The following RHOD variants were observed in gnomAD, a reference collection of about 807,000 sequenced individuals.
The protein encoded by RHOD is ras homolog family member D, also known as rho-related GTP-binding protein RhoD.
A neutral mutation model predicts 16.7 loss-of-function variants in RHOD; 11 were observed. That is an observed-to-expected ratio of 0.66 (90% CI 0.41 to 1.09). The LOEUF (loss-of-function observed/expected upper bound fraction) is 1.09. Among genes scored for constraint, RHOD ranks in the 50% least tolerant of loss-of-function variants. The pLI, the probability that RHOD is intolerant of heterozygous loss-of-function variation, is 0.00. For synonymous variants in RHOD, 124 were observed against 126.3 expected (o/e 0.98, Z 0.12); for missense variants, 271 against 291.7 (o/e 0.93, Z 0.52).
At chr11:67,060,763 C>T (rs116387630) in intron 1 of RHOD, among the ~76,000 whole-genome samples, 11 of 152,360 alleles carry the variant, frequency 7.2e-5, no homozygotes, top group African/African-American at 2.6e-4. Flanking sequence ...ACAGAAGATC[C>T]TTAGAGAATG....
chr11:67,070,381 A>G (rs1413586596), intron 3 of RHOD, 44 bp from the exon 4 acceptor site: 1 of 1,605,444 alleles, frequency 6.2e-7, no homozygotes, highest in African/African-American at 1.3e-5. Context: ...AGAACTCTCC[A>G]GGGCTCACAC....
intron 1 of RHOD, among the ~76,000 whole-genome samples, chr11:67,057,359 C>T (rs370313109): frequency 2.6e-5 from 4 of 152,204 alleles, no homozygotes; most frequent in African/African-American, 7.2e-5. Context: ...GCCAGACTGC[C>T]GAGGTTCAAA....
intron 1 of RHOD, 46 bp downstream of exon 1, chr11:67,057,080 C>A: frequency 1.4e-6 from 2 of 1,397,216 alleles, no homozygotes; most frequent in South Asian, 1.6e-5. Flanking sequence ...CTCGCGCGCC[C>A]GGGTGTACAG....
At chr11:67,068,450 AG>A (rs1400141980) in intron 3 of RHOD, among the ~76,000 whole-genome samples, 3 of 152,110 alleles carry the variant, frequency 2.0e-5, no homozygotes, top group African/African-American at 7.2e-5. Context: ...GTGCAGGCTC[AG>A]TCAGGTAGGA....
In RHOD at chr11:67,056,942, G is replaced by A. The variant is rs2136243591; in HGVS notation, c.40G>A (p.Gly14Ser). Residue 14 changes from glycine to serine, a missense_variant, in exon 1 of 5, where the codon GGC becomes AGC. Coordinates refer to ENST00000308831, the MANE Select transcript of RHOD (RefSeq NM_014578.4). ...AQAAGEEAPPGVRSVKVVLVG... is the reference protein window; with the variant it reads ...AQAAGEEAPPSVRSVKVVLVG... ...GGCCGCGGGTGAGGAGGCGCCACCA[G>A]GCGTGCGGTCCGTCAAGGTGGTCCT... The A allele has an allele frequency of 1.1e-5, 17 of 1,487,232 alleles. No individual in the cohort carries two copies. Among genetic ancestry groups the A allele is most frequent in the Non-Finnish European group, 1.5e-5 (17 of 1,127,268 alleles). The allele number at this position is 1,487,232 out of a possible 1,614,324, so 92.1% of individuals were successfully genotyped here. A position where few individuals can be genotyped will look rare whatever the true frequency, so the allele number is the denominator to read the frequency against.
At chr11:67,065,078 CTT>C (rs1209583009) in intron 1 of RHOD, among the ~76,000 whole-genome samples, 7 of 142,536 alleles carry the variant, frequency 4.9e-5, no homozygotes, top group Non-Finnish European at 9.3e-5. Context: ...GCGGTAGGGA[CTT>C]TTTTTTTTTT....
intron 3 of RHOD, among the ~76,000 whole-genome samples, chr11:67,068,041 C>A (rs182969814): frequency 1.6e-3 from 251 of 152,258 alleles, no homozygotes; most frequent in African/African-American, 5.5e-3. Context: ...CCTCGTGATC[C>A]GCCCGCCTCG....
At chr11:67,070,654 G>T (rs1855018663) in intron 4 of RHOD, 95 bp downstream of exon 4, 3 of 1,472,606 alleles carry the variant, frequency 2.0e-6, no homozygotes, top group Middle Eastern at 2.4e-4. Flanking sequence ...AACGCTCAGG[G>T]TGTAGGTCAG....
rs1473940859 is a variant in RHOD, at chr11:67,070,560, G to C, written c.465+1G>C. 1.2e-6 allele frequency: 2 copies of C among 1,613,886 alleles called. No individual in the cohort carries two copies. Among genetic ancestry groups the C allele is most frequent in the South Asian group, 2.2e-5 (2 of 91,088 alleles). The stretch of plus-strand genomic sequence containing the variant: ...ATTGGAGCCTGTGACCTACCACAGG[G>C]TAGGAAACCCAGCCCGAGGTGGGAG... On this transcript the variant is annotated splice_donor_variant, in intron 4 of 4. Coordinates refer to ENST00000308831, the MANE Select transcript of RHOD (RefSeq NM_014578.4). LOFTEE classifies it high-confidence loss of function.
intron 3 of RHOD, among the ~76,000 whole-genome samples, chr11:67,068,527 G>A (rs1284520172): frequency 6.6e-6 from 1 of 152,048 alleles, no homozygotes; most frequent in Non-Finnish European, 1.5e-5. Flanking sequence ...ATTCTCTGAT[G>A]GTGGCCGGGT....
At chr11:67,071,361 C>A in intron 4 of RHOD, 74 bp from the exon 5 acceptor site, 1 of 1,429,282 alleles carries the variant, frequency 7.0e-7, no homozygotes, top group Admixed American at 2.5e-5. Context: ...CACTCTTGTC[C>A]GGGAAAAGGA....
chr11:67,066,009 T>TGGGGGCGGGGG, intron 2 of RHOD, 26 bp downstream of exon 2: 1 of 566,858 alleles, frequency 1.8e-6, no homozygotes. Context: ...TGGGGCAGGG[T>TGGGGGCGGGGG]GGGAGGGGCT....
intron 1 of RHOD, among the ~76,000 whole-genome samples, chr11:67,061,820 ATGTGTGTG>A (rs372226128): frequency 1.6e-5 from 2 of 127,068 alleles, no homozygotes; most frequent in African/African-American, 6.1e-5. Flanking sequence ...GTATATATAT[ATGTGTGTG>A]TGTGTGTGTG....
At position 67,071,808 on chromosome 11, in the gene RHOD, G is replaced by A; in HGVS notation, c.*206G>A. On this transcript the variant is annotated 3_prime_UTR_variant, in exon 5 of 5. Coordinates refer to ENST00000308831, the MANE Select transcript of RHOD (RefSeq NM_014578.4). Reference sequence around the variant, plus strand: ...ACCTGCTCTGTGTAGGGCTCGTCCTGCGGTGCCCGAGAATCACTCGCTAAC... The same window carrying A: ...ACCTGCTCTGTGTAGGGCTCGTCCTACGGTGCCCGAGAATCACTCGCTAAC... The A allele has an allele frequency of 2.0e-6, 1 of 511,778 alleles. No individual in the cohort carries two copies. Among genetic ancestry groups the A allele is most frequent in the Non-Finnish European group, 3.4e-6 (1 of 297,026 alleles). The allele number at this position is 511,778 out of a possible 1,614,324, so 31.7% of individuals were successfully genotyped here.
At chr11:67,063,066 A>G (rs534922579) in intron 1 of RHOD, among the ~76,000 whole-genome samples, 1 of 148,918 alleles carries the variant, frequency 6.7e-6, no homozygotes, top group African/African-American at 2.4e-5. Flanking sequence ...CCTCCTCCCA[A>G]GCCCAGGCAG....
At chr11:67,062,823 A>C (rs369848026) in intron 1 of RHOD, among the ~76,000 whole-genome samples, 10 of 152,364 alleles carry the variant, frequency 6.6e-5, no homozygotes, top group African/African-American at 2.2e-4. Flanking sequence ...AGCCCTGAGC[A>C]GGCAGTCAAG....
At chr11:67,068,784 G>A (rs1373039514) in intron 3 of RHOD, among the ~76,000 whole-genome samples, 1 of 151,912 alleles carries the variant, frequency 6.6e-6, no homozygotes, top group Non-Finnish European at 1.5e-5. Flanking sequence ...TCCAGTCTGG[G>A]CGACAGAGCG....
intron 1 of RHOD, among the ~76,000 whole-genome samples, chr11:67,060,864 CAAG>C (rs568821760): frequency 1.3e-5 from 2 of 152,190 alleles, no homozygotes; most frequent in South Asian, 4.1e-4. Flanking sequence ...CAGCTCAGAT[CAAG>C]AAGGTGACTG....
At chr11:67,068,717 G>A (rs1463343233) in intron 3 of RHOD, among the ~76,000 whole-genome samples, 2 of 152,084 alleles carry the variant, frequency 1.3e-5, no homozygotes, top group African/African-American at 4.8e-5. Flanking sequence ...TGAGGCAGGA[G>A]AATTGCTTGA....
Sources: gnomAD v4.1 joint callset for allele counts (sites outside exome capture counted in the v4.1 genomes callset) on GRCh38, gnomAD v4.1.1 for gene constraint, MANE v1.5 for transcripts, NCBI Gene and HGNC (gene_info 2026-07-23, HGNC 2026-07-21) for gene names.